SLC38A12: variants seen among roughly 807,000 people sequenced by gnomAD.
SLC38A12 encodes the protein solute carrier family 38 member 12, also known as putative sodium-coupled neutral amino acid transporter 12.
the SLC38A12 span, chr17:74,839,089 C>T: frequency 3.3e-6 from 5 of 1,534,872 alleles, no homozygotes; most frequent in Non-Finnish European, 3.5e-6. Context: ...ACAGAAGCAC[C>T]AGACCCACCT....
the SLC38A12 span, among the ~76,000 whole-genome samples, chr17:74,801,861 G>C: frequency 6.6e-6 from 1 of 151,898 alleles, no homozygotes. Context: ...CTTGTCTTCC[G>C]TGTGCTTTCC....
the SLC38A12 span, chr17:74,836,016 CG>C: frequency 6.2e-7 from 1 of 1,611,206 alleles, no homozygotes; most frequent in Non-Finnish European, 8.5e-7. This position sits in a 1 kb window ranked among gnomAD's most constrained non-coding sequence, Gnocchi z 4.2. Flanking sequence ...CTCGGGGGTC[CG>C]GAACCTGTTT....
At chr17:74,784,160 C>A in the SLC38A12 span, among the ~76,000 whole-genome samples, 4 of 152,022 alleles carry the variant, frequency 2.6e-5, no homozygotes, top group Non-Finnish European at 4.4e-5. Context: ...GTGCATCTTT[C>A]TAAGAACAGG....
chr17:74,838,119 C>T, the SLC38A12 span: 20 of 985,650 alleles, frequency 2.0e-5, no homozygotes, highest in Non-Finnish European at 2.4e-5. Flanking sequence ...CCACGGGCTG[C>T]GCCACCTCTG....
At chr17:74,810,398 G>A in the SLC38A12 span, among the ~76,000 whole-genome samples, 2 of 152,186 alleles carry the variant, frequency 1.3e-5, no homozygotes, top group Non-Finnish European at 2.9e-5. Flanking sequence ...AAGATCAGGG[G>A]GAGCCAAGGA....
At chr17:74,826,385 G>A in the SLC38A12 span, among the ~76,000 whole-genome samples, 2 of 152,302 alleles carry the variant, frequency 1.3e-5, no homozygotes, top group South Asian at 2.1e-4. Context: ...ATAGAACCTC[G>A]TCCTATAAAG....
At chr17:74,795,381 C>T in the SLC38A12 span, 24 of 720,736 alleles carry the variant, frequency 3.3e-5, no homozygotes, top group East Asian at 6.2e-4. Context: ...GAGGGTGCAT[C>T]CTCAGAGATG....
At chr17:74,822,475 A>C in the SLC38A12 span, among the ~76,000 whole-genome samples, 2 of 152,250 alleles carry the variant, frequency 1.3e-5, no homozygotes, top group African/African-American at 4.8e-5. Flanking sequence ...CCAGCTCGGG[A>C]AGGTCGACAG....
the SLC38A12 span, among the ~76,000 whole-genome samples, chr17:74,812,725 G>A: frequency 6.6e-6 from 1 of 152,164 alleles, no homozygotes; most frequent in Non-Finnish European, 1.5e-5. Flanking sequence ...GCTCCCACAG[G>A]TCTCTGTGCG....
At chr17:74,810,138 G>A in the SLC38A12 span, among the ~76,000 whole-genome samples, 7 of 152,206 alleles carry the variant, frequency 4.6e-5, no homozygotes, top group African/African-American at 1.2e-4. Context: ...TAGATCTTCC[G>A]TCTCTCCACT....
the SLC38A12 span, among the ~76,000 whole-genome samples, chr17:74,831,082 G>A: frequency 1.3e-5 from 2 of 152,326 alleles, no homozygotes; most frequent in East Asian, 1.9e-4. Context: ...GAACGGCTCC[G>A]AAAGGTCCTC....
At chr17:74,781,655 A>C in the SLC38A12 span, among the ~76,000 whole-genome samples, 1 of 152,182 alleles carries the variant, frequency 6.6e-6, no homozygotes, top group South Asian at 2.1e-4. Flanking sequence ...ATAAAGAAAT[A>C]AGGTTTTTTT....
the SLC38A12 span, among the ~76,000 whole-genome samples, chr17:74,801,129 G>A: frequency 6.6e-6 from 1 of 152,350 alleles, no homozygotes; most frequent in South Asian, 2.1e-4. Context: ...CGACCATGTA[G>A]GGGCTCACTG....
chr17:74,828,707 C>T, the SLC38A12 span, among the ~76,000 whole-genome samples: 11 of 152,244 alleles, frequency 7.2e-5, no homozygotes, highest in Admixed American at 5.9e-4. Context: ...GGTCACAGCC[C>T]GGGGGTACTC....
chr17:74,790,186 C>G, the SLC38A12 span: 3 of 1,608,280 alleles, frequency 1.9e-6, no homozygotes, highest in Non-Finnish European at 2.6e-6. Context: ...CTCGTCCATC[C>G]TACTGGCTCC....
chr17:74,813,659 C>G, the SLC38A12 span, among the ~76,000 whole-genome samples: 1 of 152,186 alleles, frequency 6.6e-6, no homozygotes. Context: ...CGCCACCACG[C>G]CTGGCTAATT....
At chr17:74,785,606 G>A in the SLC38A12 span, 4 of 1,612,770 alleles carry the variant, frequency 2.5e-6, no homozygotes, top group Admixed American at 1.7e-5. Context: ...TTCATGAGGT[G>A]AGAGGCAGCG....
At chr17:74,830,474 TG>T in the SLC38A12 span, among the ~76,000 whole-genome samples, 4 of 152,220 alleles carry the variant, frequency 2.6e-5, no homozygotes, top group African/African-American at 7.2e-5. Flanking sequence ...TGAGGCTGTC[TG>T]GGGAAAGGCT....
At chr17:74,806,704 A>T in the SLC38A12 span, among the ~76,000 whole-genome samples, 1 of 152,094 alleles carries the variant, frequency 6.6e-6, no homozygotes, top group Non-Finnish European at 1.5e-5. Flanking sequence ...TCTGTCTCCC[A>T]TCAGGTTCCC....
Sources: allele counts gnomAD v4.1 joint callset (sites outside exome capture counted in the v4.1 genomes callset), GRCh38; gene constraint gnomAD v4.1.1; non-coding constraint Gnocchi (gnomAD v3.1); transcripts MANE v1.5; gene names NCBI Gene and HGNC (gene_info 2026-07-23, HGNC 2026-07-21).